NELL1: variants seen among roughly 807,000 people sequenced by gnomAD.
NELL1 encodes neural EGFL like 1.
A neutral mutation model predicts 107.4 loss-of-function variants in NELL1; 76 were observed. The ratio of observed to expected loss-of-function variants is 0.71; its 90% CI spans 0.59 to 0.86. The LOEUF (loss-of-function observed/expected upper bound fraction) is 0.86, where lower values mean the gene tolerates loss of function less well. NELL1 is among the 40% of genes least tolerant of loss of function. The pLI, the probability that NELL1 is intolerant of heterozygous loss-of-function variation, is 0.00. For synonymous variants in NELL1, 353 were observed against 341.2 expected, an observed-to-expected ratio of 1.03 and a Z score of -0.38; for missense variants, 1,024 against 1,005.5, an observed-to-expected ratio of 1.02 and a Z score of -0.25.
At chr11:21,007,451 A>AT (rs1852354307) in intron 12 of NELL1, among the ~76,000 whole-genome samples, 1 of 152,110 alleles carries the variant, frequency 6.6e-6, no homozygotes, top group Non-Finnish European at 1.5e-5. Flanking sequence ...GAGAAACTGC[A>AT]GAAATGATTG....
At chr11:20,733,327 G>A (rs1277148902) in intron 2 of NELL1, among the ~76,000 whole-genome samples, 3 of 152,210 alleles carry the variant, frequency 2.0e-5, no homozygotes, top group Non-Finnish European at 4.4e-5. Flanking sequence ...TCTAATTGAT[G>A]TAGGTCAAGA....
chr11:20,862,518 G>T (rs1376954213), intron 4 of NELL1, among the ~76,000 whole-genome samples: 1 of 148,442 alleles, frequency 6.7e-6, no homozygotes, highest in African/African-American at 2.5e-5. Context: ...ACATTTGTGG[G>T]TTTTAACAAA....
At chr11:20,863,682 C>A in intron 4 of NELL1, among the ~76,000 whole-genome samples, 1 of 151,586 alleles carries the variant, frequency 6.6e-6, no homozygotes, top group Non-Finnish European at 1.5e-5. Context: ...CAGGCAGAGA[C>A]GCTCCTCACT....
chr11:20,836,599 C>G (rs1439208389), intron 3 of NELL1, among the ~76,000 whole-genome samples: 2 of 145,662 alleles, frequency 1.4e-5, no homozygotes. Flanking sequence ...CATGATTAAG[C>G]CATGCAAAGA....
intron 14 of NELL1, among the ~76,000 whole-genome samples, chr11:21,343,313 C>G (rs1297800280): frequency 6.6e-6 from 1 of 151,970 alleles, no homozygotes. Context: ...TTCATGATCT[C>G]GTTGCTCAAC....
chr11:21,018,726 G>A (rs1039492386), intron 12 of NELL1, among the ~76,000 whole-genome samples: 3 of 152,082 alleles, frequency 2.0e-5, no homozygotes, highest in African/African-American at 7.2e-5. Flanking sequence ...TGCAAGAGAA[G>A]ATGTATATTT....
In NELL1 at chr11:21,119,386, GAAA is replaced by G. The variant is rs5790163; in HGVS notation, c.1426+5685_1426+5687del. On this transcript the variant is annotated intron_variant, in intron 13 of 19. Transcript: ENST00000357134. ...CCCAACATTTTTCTTGCTAAAAATT[GAAA>G]AAAAAAAAAAAAGGATTATATATAT... Among the ~76,000 whole-genome samples the G allele has an allele frequency of 1.1e-3, 136 of 129,178 alleles. 1 individual carries two copies. Among genetic ancestry groups the G allele is most frequent in the African/African-American group, 3.6e-3 (127 of 35,044 alleles). 84.7% of individuals were successfully genotyped at this position (129,178 alleles called of 152,430 possible).
chr11:20,951,275 T>C (rs1429802234), intron 11 of NELL1, among the ~76,000 whole-genome samples: 2 of 152,234 alleles, frequency 1.3e-5, no homozygotes, highest in African/African-American at 2.4e-5. Context: ...CCTCAAGTTA[T>C]AGCTTGCTAG....
At chr11:21,114,840 T>C (rs1241402910) in intron 13 of NELL1, among the ~76,000 whole-genome samples, 1 of 151,960 alleles carries the variant, frequency 6.6e-6, no homozygotes, top group Non-Finnish European at 1.5e-5. Context: ...GATCAAAACT[T>C]TTTCGGACCA....
chr11:21,192,203 A>G (rs1251185693), intron 13 of NELL1, among the ~76,000 whole-genome samples: 7 of 151,898 alleles, frequency 4.6e-5, no homozygotes, highest in Non-Finnish European at 1.0e-4. Context: ...GCACAATAAT[A>G]TTTATTTAAT....
Position 21,213,093 on chromosome 11 carries a change from A to G in NELL1, c.1427-16239A>G, listed in dbSNP as rs1857536862. Among the ~76,000 whole-genome samples, 3 of 152,326 alleles carry G rather than the reference A, an allele frequency of 2.0e-5. No individual in the cohort carries two copies. The South Asian group carries it at 6.2e-4, about 32-fold the overall frequency. ...GTGTAGAAACTAGAATTAAGCACCT[A>G]CTATCATATATAATTGCTCCAAAGT... On this transcript the variant is annotated intron_variant, in intron 13 of 19. Coordinates refer to ENST00000357134, the MANE Select transcript of NELL1 (RefSeq NM_006157.5).
chr11:21,533,557 C>G (rs1042840896), intron 15 of NELL1, among the ~76,000 whole-genome samples: 16 of 152,146 alleles, frequency 1.1e-4, no homozygotes, highest in African/African-American at 3.9e-4. Flanking sequence ...TGTCAATCTC[C>G]TTCAGTGCAG....
At chr11:21,330,298 T>G (rs1405926715) in intron 14 of NELL1, among the ~76,000 whole-genome samples, 1 of 152,176 alleles carries the variant, frequency 6.6e-6, no homozygotes, top group Non-Finnish European at 1.5e-5. Context: ...TAAAAATTGC[T>G]TAATTACCTT....
chr11:21,475,102 AG>A (rs1259191244), intron 15 of NELL1, among the ~76,000 whole-genome samples: 1 of 152,172 alleles, frequency 6.6e-6, no homozygotes, highest in Non-Finnish European at 1.5e-5. Context: ...GAAAAACAAA[AG>A]GAAAAAAAAG....
intron 3 of NELL1, among the ~76,000 whole-genome samples, chr11:20,828,893 A>G (rs1215734953): frequency 6.6e-6 from 1 of 152,212 alleles, no homozygotes; most frequent in Non-Finnish European, 1.5e-5. Context: ...GAGGAAGATG[A>G]GAACCATGAG....
rs138476139 is a variant in NELL1, at chr11:20,706,764, C to T, written c.184+28704C>T. On this transcript the variant is annotated intron_variant, in intron 2 of 19. Coordinates refer to ENST00000357134, the MANE Select transcript of NELL1 (RefSeq NM_006157.5). ...AGAGATCCTCTCTTAGTCTGATGGG[C>T]TTCCCTTTGTGGGTAACCCAACCTT... 5.6e-4 allele frequency among the ~76,000 whole-genome samples: 85 copies of T among 152,292 alleles called. 2 individuals are homozygous for T. In the East Asian group the frequency reaches 0.015, roughly 28 times the overall value.
At chr11:20,833,115 C>T (rs1425070437) in intron 3 of NELL1, among the ~76,000 whole-genome samples, 1 of 152,056 alleles carries the variant, frequency 6.6e-6, no homozygotes, top group East Asian at 1.9e-4. Flanking sequence ...GCATCATTGT[C>T]CTAGTTTTGT....
chr11:20,694,024 AT>A (rs1854546730), intron 2 of NELL1, among the ~76,000 whole-genome samples: 2 of 151,752 alleles, frequency 1.3e-5, no homozygotes, highest in Non-Finnish European at 2.9e-5. Context: ...TTCTCGCTTC[AT>A]TTCATTCGTT....
chr11:20,848,007 G>GA (rs1387027576), intron 4 of NELL1, among the ~76,000 whole-genome samples: 7 of 152,162 alleles, frequency 4.6e-5, no homozygotes, highest in Admixed American at 2.0e-4. Flanking sequence ...TGCAGATTGG[G>GA]AAATAGTAAG....
Sources: allele counts gnomAD v4.1 joint callset (sites outside exome capture counted in the v4.1 genomes callset), GRCh38; gene constraint gnomAD v4.1.1; transcripts MANE v1.5; gene names NCBI Gene and HGNC (gene_info 2026-07-23, HGNC 2026-07-21).